The following ANKRD16 variants were observed in gnomAD, a reference collection of about 807,000 sequenced individuals.
ANKRD16 encodes the protein ankyrin repeat domain-containing protein 16.
Under a neutral mutation model 37.9 loss-of-function variants are expected in ANKRD16, and 35 were observed. The ratio of observed to expected loss-of-function variants is 0.92; its 90% CI spans 0.71 to 1.23. The LOEUF is 1.23. Ranked by LOEUF, ANKRD16 falls within the 50% of genes most tolerant of loss-of-function variation. ANKRD16 has a pLI of 0.00. For missense variants in ANKRD16, 480 were observed against 469.9 expected, an observed-to-expected ratio of 1.02 and a Z score of -0.20; for synonymous variants, 206 against 197.2, an observed-to-expected ratio of 1.04 and a Z score of -0.37.
At chr10:5,887,694 C>T (rs1335641836) in intron 2 of ANKRD16, among the ~76,000 whole-genome samples, 153 bp downstream of exon 2, 1 of 143,006 alleles carries the variant, frequency 7.0e-6, no homozygotes, top group Non-Finnish European at 1.5e-5. Flanking sequence ...CCCCCGCCCC[C>T]ACCCCCTCCC....
In ANKRD16 at chr10:5,871,148, A is replaced by G. The variant is rs1343356283; in HGVS notation, c.*33+6949T>C. 1.3e-5 allele frequency among the ~76,000 whole-genome samples: 2 copies of G among 152,154 alleles called. No individual in the cohort carries two copies. Among genetic ancestry groups the G allele is most frequent in the African/African-American group, 4.8e-5 (2 of 41,450 alleles). On this transcript the variant is annotated intron_variant, in intron 7 of 7. Transcript: ENST00000380094. The surrounding 1 kb of genome is among the most constrained non-coding windows in gnomAD (Gnocchi z 4.5). ...ACGCCTGTAATCCCAGCACTTTGGG[A>G]GGCCAAGGTGGGCGGATCACCTGAG...
rs191586065 is a variant in ANKRD16 at position 5,872,620 on chromosome 10, G to A, written c.*33+5477C>T. ...TGCCCAGGCTGGAGTGCAGTGGCGCGATCTCAGCTCACTGCAAGCTCCACC... is the reference window on the plus strand; with the variant it reads ...TGCCCAGGCTGGAGTGCAGTGGCGCAATCTCAGCTCACTGCAAGCTCCACC... On this transcript the variant is annotated intron_variant, in intron 7 of 7. Transcript: ENST00000380094. 3.4e-3 allele frequency among the ~76,000 whole-genome samples: 521 copies of A among 151,940 alleles called. 3 individuals carry two copies. The highest frequency in any genetic ancestry group is 3.4e-3 in the Middle Eastern group (1 of 294).
Position 5,883,848 on chromosome 10 carries a change from A to G in ANKRD16, c.687+121T>C. On this transcript the variant is annotated intron_variant, in intron 4 of 7. Coordinates refer to ENST00000380094, the MANE Select transcript of ANKRD16 (RefSeq NM_019046.3). ...TTAAAGAGGTCACCAAGTTCCAGAG[A>G]GAGAGTTTGGAGGGGCTGGGGAATG... The G allele has an allele frequency of 3.9e-6, 3 of 760,766 alleles. No individual in the cohort carries two copies. In the South Asian group the frequency reaches 5.5e-5, roughly 14 times the overall value. The allele number at this position is 760,766 out of a possible 1,614,324, so 47.1% of individuals were successfully genotyped here.
At chr10:5,881,802 C>T (rs1350163536) in intron 5 of ANKRD16, among the ~76,000 whole-genome samples, 2 of 151,516 alleles carry the variant, frequency 1.3e-5, no homozygotes, top group Non-Finnish European at 2.9e-5. Context: ...ATTCTCCTGC[C>T]TCAGTCTCCC....
rs557822825 is a variant in ANKRD16, at chr10:5,862,492, C to T, written c.*233G>A. 35 of 726,122 alleles carry T rather than the reference C, an allele frequency of 4.8e-5. No individual in the cohort carries two copies. The highest frequency in any genetic ancestry group is 6.8e-5 in the Non-Finnish European group (33 of 487,410). 45.0% of individuals were successfully genotyped at this position (726,122 alleles called of 1,614,324 possible). On this transcript the variant is annotated 3_prime_UTR_variant, in exon 8 of 8. Coordinates refer to ENST00000380094, the MANE Select transcript of ANKRD16 (RefSeq NM_019046.3). This position sits in a 1 kb window ranked among gnomAD's most constrained non-coding sequence, Gnocchi z 6.5. Reference sequence around the variant, plus strand: ...TCAGCAACCATTTTTGGAGACAGACCCAGGGAGCTGACCTTGGGGGCCAGT... The same window carrying T: ...TCAGCAACCATTTTTGGAGACAGACTCAGGGAGCTGACCTTGGGGGCCAGT...
chr10:5,880,233 T>C (rs771841573), intron 6 of ANKRD16, 65 bp downstream of exon 6: 1 of 541,010 alleles, frequency 1.8e-6, no homozygotes, highest in Non-Finnish European at 2.9e-6. Context: ...TTGTTTTAAA[T>C]ATAAAAGTGT....
intron 1 of ANKRD16, 44 bp from the exon 2 acceptor site, chr10:5,888,111 C>T: frequency 1.3e-6 from 2 of 1,573,810 alleles, no homozygotes; most frequent in Non-Finnish European, 8.7e-7. Context: ...GCAGCTGAGA[C>T]ATTAGAAGCC....
chr10:5,884,095 AG>A lies in ANKRD16; in HGVS notation c.579-19del. The A allele has an allele frequency of 6.2e-7, 1 of 1,606,714 alleles. No individual in the cohort carries two copies. The highest frequency in any genetic ancestry group is 1.1e-5 in the South Asian group (1 of 90,718). On this transcript the variant is annotated intron_variant, in intron 3 of 7. Coordinates refer to ENST00000380094, the MANE Select transcript of ANKRD16 (RefSeq NM_019046.3). ...ATTGGCACCTAGAGCCAAAACCCCA[AG>A]TAAGAGCTGAGAAAATTCAATACCT...
chr10:5,879,676 G>T (rs184899864), intron 6 of ANKRD16, among the ~76,000 whole-genome samples: 1 of 151,734 alleles, frequency 6.6e-6, no homozygotes, highest in African/African-American at 2.4e-5. Context: ...TACCTGGCTA[G>T]CAGGTGTCAT....
chr10:5,876,030 C>A (rs1020840642), intron 7 of ANKRD16, among the ~76,000 whole-genome samples: 1 of 152,168 alleles, frequency 6.6e-6, no homozygotes, highest in African/African-American at 2.4e-5. Flanking sequence ...ATTACAGGCG[C>A]ATGCCACCAC....
chr10:5,883,956 A>C lies in ANKRD16; in HGVS notation c.687+13T>G. ...GAAGAACCAAAAGAATAAAAACACA[A>C]CCATTTTTATACCCCATGTTCATCG... is the stretch of plus-strand genomic sequence containing the variant. On this transcript the variant is annotated intron_variant, in intron 4 of 7. Transcript: ENST00000380094. The C allele has an allele frequency of 6.2e-7, 1 of 1,608,544 alleles. No homozygotes were observed. Among genetic ancestry groups the C allele is most frequent in the Non-Finnish European group, 8.5e-7 (1 of 1,175,630 alleles).
At chr10:5,876,577 G>A (rs922163596) in intron 7 of ANKRD16, among the ~76,000 whole-genome samples, 3 of 152,228 alleles carry the variant, frequency 2.0e-5, no homozygotes, top group Non-Finnish European at 4.4e-5. Flanking sequence ...TGCAGATGGA[G>A]AGTGTGTAAT....
rs776226840 is a variant in ANKRD16 at position 5,861,690 on chromosome 10, T to C, written c.*1035A>G. The C allele has an allele frequency of 9.2e-5, 14 of 152,200 alleles. No homozygotes were observed. Among genetic ancestry groups the C allele is most frequent in the Non-Finnish European group, 1.6e-4 (11 of 68,026 alleles). The allele number at this position is 152,200 out of a possible 1,614,324, so 9.4% of individuals were successfully genotyped here. A position where few individuals can be genotyped will look rare whatever the true frequency, so the allele number is the denominator to read the frequency against. Reference sequence around the variant, plus strand: ...CTATTCCTGGGTTCTTTGAGAATCATTGACATTTATTATTTACTACACATC... The same window carrying C: ...CTATTCCTGGGTTCTTTGAGAATCACTGACATTTATTATTTACTACACATC... On this transcript the variant is annotated 3_prime_UTR_variant, in exon 8 of 8. Transcript: ENST00000380094.
Position 5,889,263 on chromosome 10 carries a change from C to A in ANKRD16, c.92G>T (p.Gly31Val), listed in dbSNP as rs758714381. The A allele has an allele frequency of 4.7e-6, 7 of 1,480,644 alleles. No individual in the cohort carries two copies. Among genetic ancestry groups the A allele is most frequent in the African/African-American group, 1.5e-5 (1 of 68,734 alleles). 91.7% of individuals were successfully genotyped at this position (1,480,644 alleles called of 1,614,324 possible). ...ALKEELQAAG[G>V]CPGPAGDTLL... ...GGTATCCCCGGCCGGCCCCGGGCAGCCCCCGGCCGCCTGCAGCTCCTCCTT... is the reference window on the plus strand; with the variant it reads ...GGTATCCCCGGCCGGCCCCGGGCAGACCCCGGCCGCCTGCAGCTCCTCCTT... The change falls in exon 1 of 8, where the codon GGC becomes GTC. Residue 31 changes from glycine to valine, a missense_variant. Physicochemically the swap from Gly to Val is moderately radical, Grantham distance 109. Transcript: ENST00000380094.
chr10:5,886,568 G>A (rs1461713667), intron 2 of ANKRD16, among the ~76,000 whole-genome samples: 1 of 150,296 alleles, frequency 6.7e-6, no homozygotes, highest in African/African-American at 2.5e-5. Flanking sequence ...TCCAGCCTGG[G>A]TGACAGAGCA....
At chr10:5,880,406 G>A (rs1293569184) in intron 5 of ANKRD16, 30 bp from the exon 6 acceptor site, 2 of 1,459,584 alleles carry the variant, frequency 1.4e-6, no homozygotes, top group Admixed American at 2.0e-5. Flanking sequence ...TTATCACTGT[G>A]ATGAGGATAA....
At chr10:5,880,678 T>C (rs1842283922) in intron 5 of ANKRD16, among the ~76,000 whole-genome samples, 1 of 152,124 alleles carries the variant, frequency 6.6e-6, no homozygotes, top group Non-Finnish European at 1.5e-5. Context: ...CTCTTTCCAC[T>C]CAGTAAATTG....
At position 5,888,050 on chromosome 10, in the gene ANKRD16, G is replaced by C. The variant is rs763954169; in HGVS notation, c.332C>G (p.Ala111Gly). 6.2e-7 allele frequency: 1 copy of C among 1,614,064 alleles called. No homozygotes were observed. Residue 111 changes from alanine to glycine, a missense_variant, in exon 2 of 8, where the codon GCC becomes GGC. Physicochemically the swap from Ala to Gly is moderately conservative, Grantham distance 60. Transcript: ENST00000380094. ...KKADWTPLMM[A>G]CTRKNLGVIQ... The stretch of plus-strand genomic sequence containing the variant: ...CACCCCCAGGTTCTTCCTTGTGCAG[G>C]CCATCATCAGAGGAGTCCTAAGGCC...
At chr10:5,888,892 G>A (rs1305389051) in intron 1 of ANKRD16, 149 bp downstream of exon 1, 1 of 807,972 alleles carries the variant, frequency 1.2e-6, no homozygotes, top group Non-Finnish European at 1.8e-6. Flanking sequence ...GGGAAAGTTG[G>A]GCAGGAGGTC....
Sources: allele counts gnomAD v4.1 joint callset (sites outside exome capture counted in the v4.1 genomes callset), GRCh38; gene constraint gnomAD v4.1.1; non-coding constraint Gnocchi (gnomAD v3.1); transcripts MANE v1.5; gene names NCBI Gene and HGNC (gene_info 2026-07-23, HGNC 2026-07-21).